The following SLC14A2 variants were observed in gnomAD, a reference collection of about 807,000 sequenced individuals.
SLC14A2 encodes urea transporter 2.
SLC14A2 carries 91 observed loss-of-function variants against 104.6 expected under a neutral mutation model. That is an observed-to-expected ratio of 0.87 (90% CI 0.73 to 1.04). The LOEUF (loss-of-function observed/expected upper bound fraction) is 1.04, where lower values mean the gene tolerates loss of function less well. Among genes scored for constraint, SLC14A2 ranks in the 50% least tolerant of loss-of-function variants. The pLI is 0.00. For synonymous variants in SLC14A2, 476 were observed against 466.4 expected (o/e 1.02, Z -0.27); for missense variants, 1,189 against 1,156.0 (o/e 1.03, Z -0.41).
rs190937229 is a variant in SLC14A2 at position 45,333,999 on chromosome 18, G to A, written c.-125+120808G>A. Among the ~76,000 whole-genome samples the A allele has an allele frequency of 4.6e-5, 7 of 152,280 alleles. No homozygotes were observed. In the East Asian group the frequency reaches 1.2e-3, roughly 25 times the overall value. On this transcript the variant is annotated intron_variant, in intron 1 of 20. Transcript: ENST00000586448. Reference sequence around the variant, plus strand: ...ACCATACAAACAGGTTCTGACATTAGTCTCAGTTTCTTCTTGTGGAAACTA... The same window carrying A: ...ACCATACAAACAGGTTCTGACATTAATCTCAGTTTCTTCTTGTGGAAACTA...
Position 45,678,970 on chromosome 18 carries a change from T to TTC in SLC14A2, c.2513-5_2513-4insTC, listed in dbSNP as rs780146268. The TTC allele has an allele frequency of 1.5e-5, 24 of 1,600,202 alleles. No homozygotes were observed. The highest frequency in any genetic ancestry group is 2.0e-5 in the Non-Finnish European group (23 of 1,177,406). On this transcript the variant is annotated splice_region_variant and splice_polypyrimidine_tract_variant and intron_variant, in intron 18 of 19. Transcript: ENST00000255226. ...TATTTCTTTCTTTTTTTTTTTTTTT[T>TTC]CTAGCACTGTTTGCTGCCTACCTGG...
intron 1 of SLC14A2, among the ~76,000 whole-genome samples, chr18:45,338,302 G>A (rs890502975): frequency 1.2e-4 from 19 of 152,074 alleles, no homozygotes; most frequent in African/African-American, 4.6e-4. Context: ...CTGGGTTCAT[G>A]CCATTCTCCT....
Position 45,624,535 on chromosome 18 carries a change from AC to A in SLC14A2, c.-34-91del, listed in dbSNP as rs918261760. On this transcript the variant is annotated intron_variant, in intron 1 of 19. Coordinates refer to ENST00000255226, the MANE Select transcript of SLC14A2 (RefSeq NM_007163.4). Reference sequence around the variant, plus strand: ...TAGATCCCACGTGTGTCACTGTCCAACCCCCAGGACAGACCTGAGGTCTGAG... The same window carrying A: ...TAGATCCCACGTGTGTCACTGTCCAACCCCAGGACAGACCTGAGGTCTGAG... The A allele has an allele frequency of 5.3e-4, 428 of 810,684 alleles. 5 individuals carry two copies. The highest frequency in any genetic ancestry group is 1.1e-4 in the Non-Finnish European group (58 of 526,894). The allele number at this position is 810,684 out of a possible 1,614,324, so 50.2% of individuals were successfully genotyped here.
intron 2 of SLC14A2, among the ~76,000 whole-genome samples, chr18:45,593,354 G>A (rs987805209): frequency 5.3e-5 from 8 of 151,722 alleles, no homozygotes; most frequent in Non-Finnish European, 7.4e-5. Flanking sequence ...GAGGCAGTGT[G>A]AGCTGGTGCG....
chr18:45,674,392 T>C (rs2046192381), intron 18 of SLC14A2, among the ~76,000 whole-genome samples: 1 of 152,138 alleles, frequency 6.6e-6, no homozygotes, highest in Non-Finnish European at 1.5e-5. Flanking sequence ...TAATAAAAAT[T>C]TTCCAAATAT....
the SLC14A2 span, among the ~76,000 whole-genome samples, chr18:45,176,107 G>T: frequency 6.6e-6 from 1 of 152,074 alleles, no homozygotes; most frequent in Non-Finnish European, 1.5e-5. Context: ...CTGGCTGTCC[G>T]CCTCTGCCAA....
intron 2 of SLC14A2, among the ~76,000 whole-genome samples, chr18:45,564,795 G>A (rs577636107): frequency 6.6e-6 from 1 of 152,246 alleles, no homozygotes. Flanking sequence ...ACTTGTGCAC[G>A]CTATGGAGGT....
At chr18:45,632,518 C>A (rs776758350) in intron 5 of SLC14A2, 40 bp downstream of exon 5, 77 of 1,604,444 alleles carry the variant, frequency 4.8e-5, no homozygotes, top group Non-Finnish European at 5.4e-5. Context: ...CTCCATGGGG[C>A]CCCCAAGACA....
In SLC14A2 at chr18:45,666,236, C is replaced by T; in HGVS notation, c.1557+17C>T. 4 of 1,561,616 alleles carry T rather than the reference C, an allele frequency of 2.6e-6. No homozygotes were observed. The highest frequency in any genetic ancestry group is 3.5e-6 in the Non-Finnish European group (4 of 1,131,878). On this transcript the variant is annotated intron_variant, in intron 12 of 19. Coordinates refer to ENST00000255226, the MANE Select transcript of SLC14A2 (RefSeq NM_007163.4). Reference sequence around the variant, plus strand: ...GAGCTGCTTGTGAGTACTGAGTGTCCTGAATCAGGGACAGCGCCCTACAGT... The same window carrying T: ...GAGCTGCTTGTGAGTACTGAGTGTCTTGAATCAGGGACAGCGCCCTACAGT...
intron 2 of SLC14A2, among the ~76,000 whole-genome samples, chr18:45,595,807 C>T (rs907167187): frequency 1.3e-5 from 2 of 152,198 alleles, no homozygotes; most frequent in African/African-American, 4.8e-5. Context: ...TTCCTCACTT[C>T]CACACACTCC....
chr18:45,268,465 G>A (rs1049662946), intron 1 of SLC14A2, among the ~76,000 whole-genome samples: 6 of 152,356 alleles, frequency 3.9e-5, no homozygotes, highest in Middle Eastern at 3.4e-3. Context: ...CAACCACCTT[G>A]AGTGCTTTGT....
At chr18:45,516,026 T>C (rs1209572224) in intron 2 of SLC14A2, among the ~76,000 whole-genome samples, 1 of 152,244 alleles carries the variant, frequency 6.6e-6, no homozygotes, top group Non-Finnish European at 1.5e-5. Flanking sequence ...ATCATTAATA[T>C]TTGTACCTAA....
chr18:45,325,721 G>A (rs1197968719), intron 1 of SLC14A2, among the ~76,000 whole-genome samples: 1 of 152,116 alleles, frequency 6.6e-6, no homozygotes, highest in African/African-American at 2.4e-5. Context: ...AGAATCATAG[G>A]AATACTAGAA....
At chr18:45,659,295 C>T (rs1180752006) in intron 10 of SLC14A2, among the ~76,000 whole-genome samples, 1 of 152,172 alleles carries the variant, frequency 6.6e-6, no homozygotes, top group Non-Finnish European at 1.5e-5. Flanking sequence ...TTAATGTGTG[C>T]CATGATATTG....
chr18:45,532,035 T>G (rs567458010), intron 2 of SLC14A2, among the ~76,000 whole-genome samples: 2,062 of 152,166 alleles, frequency 0.014, 39 homozygotes, highest in African/African-American at 0.047. Flanking sequence ...ATTTCTGAGG[T>G]CTCTGTTCTG....
At chr18:45,349,319 T>C (rs2085479592) in intron 1 of SLC14A2, among the ~76,000 whole-genome samples, 2 of 152,186 alleles carry the variant, frequency 1.3e-5, no homozygotes, top group African/African-American at 2.4e-5. Flanking sequence ...CTATTTTCCT[T>C]TGTAGCCACA....
chr18:45,415,443 A>G (rs529019875), intron 1 of SLC14A2, among the ~76,000 whole-genome samples: 61 of 152,294 alleles, frequency 4.0e-4, no homozygotes, highest in African/African-American at 1.4e-3. Context: ...AGCCATCTTC[A>G]CTATCTGATG....
intron 2 of SLC14A2, among the ~76,000 whole-genome samples, chr18:45,554,530 A>G (rs1281870334): frequency 6.6e-6 from 1 of 152,126 alleles, no homozygotes; most frequent in Non-Finnish European, 1.5e-5. Context: ...TTGGCAAGCA[A>G]CGGGAGCAGC....
rs774728553 is a variant in SLC14A2 at position 45,673,672 on chromosome 18, T to TTC, written c.2378-9_2378-8dup. The TTC allele has an allele frequency of 3.1e-6, 5 of 1,612,640 alleles. No homozygotes were observed. In the African/African-American group the frequency reaches 5.3e-5, roughly 17 times the overall value. ...CCTAGACCCAACCCTGATGCCTGCCTTCTGTCACAGCACTCACTATTGCGA... is the reference window on the plus strand; with the variant it reads ...CCTAGACCCAACCCTGATGCCTGCCTTCTCTGTCACAGCACTCACTATTGCGA... On this transcript the variant is annotated splice_polypyrimidine_tract_variant and intron_variant, in intron 17 of 19. Coordinates refer to ENST00000255226, the MANE Select transcript of SLC14A2 (RefSeq NM_007163.4).
Sources: gnomAD v4.1 joint callset for allele counts (sites outside exome capture counted in the v4.1 genomes callset) on GRCh38, gnomAD v4.1.1 for gene constraint, MANE v1.5 for transcripts, NCBI Gene and HGNC (gene_info 2026-07-23, HGNC 2026-07-21) for gene names.